The following CDH12 variants were observed in gnomAD, a reference collection of about 807,000 sequenced individuals.
The protein encoded by CDH12 is cadherin-12.
A neutral mutation model predicts 74.1 loss-of-function variants in CDH12; 41 were observed. The observed-to-expected ratio is 0.55, with a 90% confidence interval of 0.43 to 0.72. CDH12 has a LOEUF of 0.72. CDH12 is among the 30% of genes least tolerant of loss of function. The pLI is 0.00. For missense variants in CDH12, 945 were observed against 977.2 expected, an observed-to-expected ratio of 0.97 and a Z score of 0.44; for synonymous variants, 399 against 355.0, an observed-to-expected ratio of 1.12 and a Z score of -1.39.
chr5:21,902,386 T>C (rs1753432336), intron 6 of CDH12, among the ~76,000 whole-genome samples: 1 of 152,044 alleles, frequency 6.6e-6, no homozygotes, highest in African/African-American at 2.4e-5. Context: ...TTTGCTACTC[T>C]AAGTATGTTT....
intron 3 of CDH12, among the ~76,000 whole-genome samples, chr5:22,401,362 C>T (rs970231748): frequency 5.3e-5 from 8 of 152,204 alleles, no homozygotes; most frequent in Admixed American, 2.6e-4. Context: ...CTCTACCTAC[C>T]AAAAAGCAAT....
At position 22,164,600 on chromosome 5, in the gene CDH12, C is replaced by T. The variant is rs1364169673; in HGVS notation, c.-187+47898G>A. Among the ~76,000 whole-genome samples, 3 of 152,322 alleles carry T rather than the reference C, an allele frequency of 2.0e-5. No homozygotes were observed. In the South Asian group the frequency reaches 6.2e-4, roughly 32 times the overall value. On this transcript the variant is annotated intron_variant, in intron 4 of 14. Transcript: ENST00000382254. ...AGAGTGAAATAGAGTGAAAACAGAG[C>T]TCCTGTACGAGGAGGGGACCCCAAG... is the stretch of plus-strand genomic sequence containing the variant.
chr5:22,467,090 C>G (rs1745765642), intron 2 of CDH12, among the ~76,000 whole-genome samples: 1 of 151,964 alleles, frequency 6.6e-6, no homozygotes, highest in Admixed American at 6.6e-5. Flanking sequence ...CGGCCTGCTC[C>G]CTGGGAATCT....
At chr5:22,678,151 C>T (rs1741311778) in intron 1 of CDH12, among the ~76,000 whole-genome samples, 5 of 151,648 alleles carry the variant, frequency 3.3e-5, no homozygotes, top group Admixed American at 3.3e-4. Flanking sequence ...TTGACTGAAT[C>T]TTGAACGAAT....
At chr5:22,452,043 A>G (rs1398698854) in intron 2 of CDH12, among the ~76,000 whole-genome samples, 1 of 151,978 alleles carries the variant, frequency 6.6e-6, no homozygotes, top group African/African-American at 2.4e-5. Flanking sequence ...TATAATGAAA[A>G]TGATAAGACA....
At chr5:21,815,062 C>T (rs554551856) in intron 9 of CDH12, among the ~76,000 whole-genome samples, 13 of 151,960 alleles carry the variant, frequency 8.6e-5, no homozygotes, top group South Asian at 8.3e-4. Flanking sequence ...CTAGACTAAG[C>T]GTAATTTTTG....
rs114206124 is a variant in CDH12, at chr5:22,697,718, T to A, written c.-523+155340A>T. On this transcript the variant is annotated intron_variant, in intron 1 of 14. Coordinates refer to ENST00000382254, the MANE Select transcript of CDH12 (RefSeq NM_004061.5). ...CTAAATTGTGTCCCCTTAAAATGTA[T>A]ATGTTGAAGCCCAAATCCATTGTGA... 7.9e-4 allele frequency among the ~76,000 whole-genome samples: 120 copies of A among 152,276 alleles called. 1 individual carries two copies. The highest frequency in any genetic ancestry group is 6.8e-3 in the Middle Eastern group (2 of 294).
At chr5:22,249,833 A>T (rs1352233189) in intron 3 of CDH12, among the ~76,000 whole-genome samples, 1 of 151,026 alleles carries the variant, frequency 6.6e-6, no homozygotes, top group Non-Finnish European at 1.5e-5. Flanking sequence ...TGTATTGCAT[A>T]TTTTAATTGC....
intron 2 of CDH12, among the ~76,000 whole-genome samples, chr5:22,477,634 A>G (rs981137312): frequency 1.3e-5 from 2 of 152,128 alleles, no homozygotes; most frequent in African/African-American, 4.8e-5. Flanking sequence ...TGGTACTTCT[A>G]TCTTTAGGTC....
chr5:22,485,251 A>T (rs1746541109), intron 2 of CDH12, among the ~76,000 whole-genome samples: 1 of 152,064 alleles, frequency 6.6e-6, no homozygotes, highest in Admixed American at 6.5e-5. Context: ...GCCTCATATT[A>T]GTTCACTGGA....
intron 1 of CDH12, among the ~76,000 whole-genome samples, chr5:22,717,728 G>T (rs17292235): frequency 0.041 from 6,212 of 152,068 alleles, 176 homozygotes; most frequent in Admixed American, 0.071. Context: ...GGATGGGAGA[G>T]GTAAACTTCT....
At chr5:22,435,845 C>T (rs1361415021) in intron 2 of CDH12, among the ~76,000 whole-genome samples, 1 of 151,898 alleles carries the variant, frequency 6.6e-6, no homozygotes, top group Non-Finnish European at 1.5e-5. Flanking sequence ...GGCCCCTACC[C>T]AGGAGCTGAC....
chr5:21,861,874 C>T (rs1751063639), intron 6 of CDH12, among the ~76,000 whole-genome samples: 1 of 149,056 alleles, frequency 6.7e-6, no homozygotes, highest in South Asian at 2.1e-4. Context: ...TGAACTTTAA[C>T]AGCATGTAGT....
intron 5 of CDH12, among the ~76,000 whole-genome samples, chr5:22,068,879 A>T (rs991932788): frequency 3.9e-5 from 6 of 152,306 alleles, no homozygotes; most frequent in Non-Finnish European, 8.8e-5. Context: ...TCCACTCACC[A>T]AAGCTGACCT....
At chr5:22,567,809 G>C (rs1659503000) in intron 1 of CDH12, among the ~76,000 whole-genome samples, 1 of 152,146 alleles carries the variant, frequency 6.6e-6, no homozygotes, top group Admixed American at 6.5e-5. Context: ...GTGTATATTT[G>C]AACAGATGTA....
chr5:21,961,968 T>C (rs1294873301), intron 6 of CDH12, among the ~76,000 whole-genome samples: 1 of 152,166 alleles, frequency 6.6e-6, no homozygotes, highest in East Asian at 1.9e-4. Flanking sequence ...GATGTTCTCT[T>C]CCCTTGGTTG....
chr5:22,284,338 G>A (rs1326656234), intron 3 of CDH12, among the ~76,000 whole-genome samples: 1 of 152,122 alleles, frequency 6.6e-6, no homozygotes, highest in Non-Finnish European at 1.5e-5. Flanking sequence ...CAGAGGTCTA[G>A]GCACAAATTA....
intron 3 of CDH12, among the ~76,000 whole-genome samples, chr5:22,365,326 ATCATC>A (rs1233867058): frequency 1.3e-5 from 2 of 152,204 alleles, no homozygotes; most frequent in Non-Finnish European, 2.9e-5. Context: ...TTCTAGTAAA[ATCATC>A]TCATCTCTAG....
chr5:22,838,153 C>T (rs560695027), intron 1 of CDH12, among the ~76,000 whole-genome samples: 4 of 152,268 alleles, frequency 2.6e-5, no homozygotes, highest in South Asian at 4.1e-4. Context: ...ACCCTGATGA[C>T]GGTCATGCTG....
Sources: gnomAD v4.1 joint callset for allele counts (sites outside exome capture counted in the v4.1 genomes callset) on GRCh38, gnomAD v4.1.1 for gene constraint, MANE v1.5 for transcripts, NCBI Gene and HGNC (gene_info 2026-07-23, HGNC 2026-07-21) for gene names.